The following UGT2A1 variants were observed in gnomAD, a reference collection of about 807,000 sequenced individuals.
UGT2A1 encodes the protein UDP glucuronosyltransferase family 2 member A1 complex locus.
UGT2A1 carries 61 observed loss-of-function variants against 45.4 expected under a neutral mutation model. The observed-to-expected ratio is 1.34, with a 90% CI of 1.09 to 1.66. UGT2A1 has a LOEUF of 1.66. UGT2A1 is among the 40% of genes most tolerant of loss of function. The probability of loss-of-function intolerance (pLI) is 0.00; values close to 1 mark genes in which losing one functional copy is unlikely to be tolerated. For synonymous variants in UGT2A1, 229 were observed against 196.2 expected (o/e 1.17, Z -1.40); for missense variants, 649 against 574.3 (o/e 1.13, Z -1.33).
At position 69,594,580 on chromosome 4, in the gene UGT2A1, T is replaced by C. The variant is rs563491641; in HGVS notation, c.1201A>G (p.Ile401Val). 6.2e-7 allele frequency: 1 copy of C among 1,614,120 alleles called. No individual in the cohort carries two copies. Among genetic ancestry groups the C allele is most frequent in the South Asian group, 1.1e-5 (1 of 91,078 alleles). The change falls in exon 6 of 7, where the codon ATT becomes GTT. Residue 401 changes from isoleucine to valine, a missense_variant. Coordinates refer to ENST00000286604, the MANE Select transcript of UGT2A1 (RefSeq NM_001252275.3). Reference protein sequence around the residue: ...VPMFADQPDNIAHMKAKGAAV... With the variant: ...VPMFADQPDNVAHMKAKGAAV... ...GCTCCTTTGGCCTTCATGTGAGCAATGTTATCAGGCTGATCAGCAAACATG... is the reference window on the plus strand; with the variant it reads ...GCTCCTTTGGCCTTCATGTGAGCAACGTTATCAGGCTGATCAGCAAACATG...
At chr4:69,590,861 T>C (rs1156770015) in intron 6 of UGT2A1, among the ~76,000 whole-genome samples, 1 of 152,214 alleles carries the variant, frequency 6.6e-6, no homozygotes, top group Non-Finnish European at 1.5e-5. Context: ...CACTAATGTT[T>C]TATGACTGAT....
chr4:69,599,423 G>A (rs780000948), intron 3 of UGT2A1, 29 bp from the exon 4 acceptor site: 6 of 1,607,604 alleles, frequency 3.7e-6, no homozygotes, highest in African/African-American at 1.3e-5. Context: ...GTTGGATGGA[G>A]GAAATTAGCT....
chr4:69,627,837 A>G (rs1355460488), intron 3 of UGT2A1, among the ~76,000 whole-genome samples: 1 of 151,954 alleles, frequency 6.6e-6, no homozygotes, highest in Non-Finnish European at 1.5e-5. Context: ...TAGAAAATTT[A>G]TAAATGTCAT....
chr4:69,607,358 C>T (rs1577961582), intron 3 of UGT2A1, among the ~76,000 whole-genome samples: 3 of 151,436 alleles, frequency 2.0e-5, no homozygotes, highest in South Asian at 2.1e-4. Flanking sequence ...GGAAAACTGG[C>T]TAGCCATATG....
At chr4:69,595,338 C>CCGGGCGCGGTGGCTCACGCCTG in intron 4 of UGT2A1, 89 bp from the exon 5 acceptor site, 1 of 1,475,138 alleles carries the variant, frequency 6.8e-7, no homozygotes, top group Non-Finnish European at 9.3e-7. Context: ...ATTTAGCCAG[C>CCGGGCGCGGTGGCTCACGCCTG]TACTTGGAAG....
chr4:69,646,502 T>A (rs1007924407), intron 2 of UGT2A1, among the ~76,000 whole-genome samples: 5 of 151,860 alleles, frequency 3.3e-5, no homozygotes, highest in African/African-American at 1.2e-4. Flanking sequence ...TAAGTGATGA[T>A]CAGAGATTAT....
chr4:69,626,719 C>A (rs1721080266), intron 3 of UGT2A1, among the ~76,000 whole-genome samples: 1 of 151,720 alleles, frequency 6.6e-6, no homozygotes, highest in African/African-American at 2.4e-5. Context: ...ATTTTATATT[C>A]ATTAATTGGA....
chr4:69,610,159 A>G (rs1317537427), intron 3 of UGT2A1, among the ~76,000 whole-genome samples: 1 of 152,152 alleles, frequency 6.6e-6, no homozygotes, highest in Non-Finnish European at 1.5e-5. Context: ...AAATACATGC[A>G]TATTTTAAAA....
chr4:69,619,014 G>T (rs777047068), intron 3 of UGT2A1, among the ~76,000 whole-genome samples: 1 of 151,614 alleles, frequency 6.6e-6, no homozygotes. Flanking sequence ...ATGGAAAAAA[G>T]TTATATATTA....
chr4:69,649,598 G>A (rs1722431290), intron 1 of UGT2A1, among the ~76,000 whole-genome samples: 1 of 152,066 alleles, frequency 6.6e-6, no homozygotes, highest in South Asian at 2.1e-4. Flanking sequence ...TAACAAAAGG[G>A]CAGCCTGAAG....
intron 3 of UGT2A1, among the ~76,000 whole-genome samples, chr4:69,605,385 C>A (rs1189503713): frequency 7.3e-6 from 1 of 136,808 alleles, no homozygotes; most frequent in East Asian, 2.1e-4. Flanking sequence ...ACAACAAAGA[C>A]ACAACATACC....
intron 3 of UGT2A1, among the ~76,000 whole-genome samples, chr4:69,620,012 A>G (rs970179039): frequency 1.3e-5 from 2 of 152,008 alleles, no homozygotes; most frequent in East Asian, 3.9e-4. Flanking sequence ...TATATGACAA[A>G]CCCCCAGCCA....
rs2109987455 is a variant in UGT2A1 at position 69,653,173 on chromosome 4, T to C, written c.-55+15A>G. ...CATTTTATATTGATTATCATGAAGT[T>C]TTCTAGTTTCTTACCTGAAGTTTCC... is the stretch of plus-strand genomic sequence containing the variant. On this transcript the variant is annotated intron_variant, in intron 1 of 6. Coordinates refer to ENST00000286604, the MANE Select transcript of UGT2A1 (RefSeq NM_001252275.3). 6.6e-6 allele frequency: 1 copy of C among 152,270 alleles called. No homozygotes were observed. Among genetic ancestry groups the C allele is most frequent in the East Asian group, 1.9e-4 (1 of 5,186 alleles). The allele number at this position is 152,270 out of a possible 1,614,324, so 9.4% of individuals were successfully genotyped here. A position where few individuals can be genotyped will look rare whatever the true frequency, so the allele number is the denominator to read the frequency against.
At chr4:69,591,946 T>C (rs905430808) in intron 6 of UGT2A1, among the ~76,000 whole-genome samples, 3 of 152,192 alleles carry the variant, frequency 2.0e-5, no homozygotes, top group African/African-American at 7.2e-5. Context: ...TTATGATTTC[T>C]AAAATTATGA....
intron 3 of UGT2A1, among the ~76,000 whole-genome samples, chr4:69,611,699 C>T (rs1467205711): frequency 1.3e-5 from 2 of 152,068 alleles, no homozygotes; most frequent in African/African-American, 2.4e-5. Context: ...CTTTACAAAT[C>T]ACTTTTGAGT....
chr4:69,635,367 C>T (rs1023733486), intron 3 of UGT2A1, among the ~76,000 whole-genome samples: 5 of 152,182 alleles, frequency 3.3e-5, no homozygotes, highest in East Asian at 1.9e-4. Flanking sequence ...CCAAAAGACA[C>T]ATGCAAAATG....
At chr4:69,601,262 T>C (rs1433315987) in intron 3 of UGT2A1, among the ~76,000 whole-genome samples, 2 of 152,262 alleles carry the variant, frequency 1.3e-5, no homozygotes, top group East Asian at 3.9e-4. Flanking sequence ...CCACTACTCA[T>C]GCCTACATAG....
intron 3 of UGT2A1, among the ~76,000 whole-genome samples, chr4:69,634,036 G>A (rs1258755040): frequency 6.6e-6 from 1 of 152,032 alleles, no homozygotes; most frequent in Non-Finnish European, 1.5e-5. Flanking sequence ...AGGAGCTCAG[G>A]AGATCGAGAC....
intron 3 of UGT2A1, among the ~76,000 whole-genome samples, chr4:69,632,548 C>T (rs1721443461): frequency 6.6e-6 from 1 of 152,032 alleles, no homozygotes; most frequent in South Asian, 2.1e-4. Flanking sequence ...ACTTCTTATG[C>T]ACGACAATAG....
Sources: allele counts gnomAD v4.1 joint callset (sites outside exome capture counted in the v4.1 genomes callset), GRCh38; gene constraint gnomAD v4.1.1; transcripts MANE v1.5; gene names NCBI Gene and HGNC (gene_info 2026-07-23, HGNC 2026-07-21).